The following CDK14 variants were observed in gnomAD, a reference collection of about 807,000 sequenced individuals.
CDK14 encodes cyclin dependent kinase 14, also known as cyclin-dependent kinase 14.
A neutral mutation model predicts 60.7 loss-of-function variants in CDK14; 34 were observed. That is an observed-to-expected ratio of 0.56 (90% confidence interval 0.43 to 0.75). The LOEUF (loss-of-function observed/expected upper bound fraction) is 0.75, where lower values mean the gene tolerates loss of function less well. Among genes scored for constraint, CDK14 ranks in the 30% least tolerant of loss-of-function variants. CDK14 has a pLI of 0.00. For synonymous variants in CDK14, 197 were observed against 203.7 expected, an observed-to-expected ratio of 0.97 and a Z score of 0.28; for missense variants, 482 against 564.1, an observed-to-expected ratio of 0.85 and a Z score of 1.47.
intron 5 of CDK14, among the ~76,000 whole-genome samples, chr7:90,791,378 C>T (rs1805823860): frequency 6.6e-6 from 1 of 152,088 alleles, no homozygotes; most frequent in Non-Finnish European, 1.5e-5. Flanking sequence ...ACCTCTACTA[C>T]ATTTTTAAAA....
intron 4 of CDK14, among the ~76,000 whole-genome samples, chr7:90,787,994 G>T (rs954691552): frequency 2.6e-5 from 4 of 152,170 alleles, no homozygotes; most frequent in African/African-American, 9.7e-5. Context: ...TGTCCTTTCA[G>T]TGTGTTACAA....
chr7:90,613,217 T>C (rs886655973), intron 2 of CDK14, among the ~76,000 whole-genome samples: 1 of 152,182 alleles, frequency 6.6e-6, no homozygotes, highest in Admixed American at 6.5e-5. Context: ...TTGGGAGAAT[T>C]AGTCACTTTC....
At chr7:91,143,859 CAGAGG>C (rs1364982642) in intron 14 of CDK14, among the ~76,000 whole-genome samples, 6 of 152,160 alleles carry the variant, frequency 3.9e-5, no homozygotes, top group Non-Finnish European at 7.3e-5. Flanking sequence ...CCCCGTTTTG[CAGAGG>C]AGACTGAGAC....
At chr7:90,689,328 T>C (rs1801506502) in intron 2 of CDK14, among the ~76,000 whole-genome samples, 1 of 152,174 alleles carries the variant, frequency 6.6e-6, no homozygotes, top group South Asian at 2.1e-4. Context: ...TAGATACTAT[T>C]AATACTTTTA....
chr7:90,958,455 G>C (rs1794499679), intron 9 of CDK14, among the ~76,000 whole-genome samples: 1 of 152,080 alleles, frequency 6.6e-6, no homozygotes, highest in South Asian at 2.1e-4. Context: ...AAAACACTGA[G>C]ACTAAAGATG....
At chr7:90,683,897 CGTGTGTGTGT>C (rs35197919) in intron 2 of CDK14, among the ~76,000 whole-genome samples, 7,347 of 145,744 alleles carry the variant, frequency 0.05, 235 homozygotes, top group South Asian at 0.095. Context: ...AGAAAATGTA[CGTGTGTGTGT>C]GTGTGTGTGT....
At chr7:90,944,336 G>A (rs1046378059) in intron 8 of CDK14, among the ~76,000 whole-genome samples, 1 of 152,186 alleles carries the variant, frequency 6.6e-6, no homozygotes, top group Non-Finnish European at 1.5e-5. Flanking sequence ...CTCTGCTTCA[G>A]AGGTTCATAC....
At chr7:90,739,248 A>C (rs1803252530) in intron 3 of CDK14, among the ~76,000 whole-genome samples, 1 of 152,202 alleles carries the variant, frequency 6.6e-6, no homozygotes, top group Non-Finnish European at 1.5e-5. Flanking sequence ...TTTACCACAA[A>C]ATGTGGCAAA....
intron 7 of CDK14, among the ~76,000 whole-genome samples, chr7:90,899,989 C>T (rs1214474412): frequency 6.6e-6 from 1 of 152,074 alleles, no homozygotes; most frequent in African/African-American, 2.4e-5. Context: ...CATTGTGTAA[C>T]TCAAATGACT....
intron 9 of CDK14, among the ~76,000 whole-genome samples, chr7:90,974,065 A>G (rs1305227082): frequency 6.6e-6 from 1 of 152,106 alleles, no homozygotes; most frequent in Non-Finnish European, 1.5e-5. Flanking sequence ...ACCTCCCCCC[A>G]GGAATGCATT....
At chr7:90,924,454 C>G (rs1383536870) in intron 8 of CDK14, among the ~76,000 whole-genome samples, 1 of 152,204 alleles carries the variant, frequency 6.6e-6, no homozygotes, top group Non-Finnish European at 1.5e-5. Context: ...TGGCAATTGC[C>G]TAATATCCCT....
chr7:90,705,703 G>A (rs1291513966), intron 2 of CDK14, among the ~76,000 whole-genome samples: 6 of 150,354 alleles, frequency 4.0e-5, no homozygotes, highest in Non-Finnish European at 5.9e-5. Context: ...AGAAGACTGA[G>A]GAGAGTGTGG....
At chr7:90,877,055 T>A (rs1791586103) in intron 6 of CDK14, among the ~76,000 whole-genome samples, 1 of 152,206 alleles carries the variant, frequency 6.6e-6, no homozygotes, top group East Asian at 1.9e-4. Flanking sequence ...GTTGGTTTGT[T>A]TTTTTATGAT....
chr7:90,841,600 A>G (rs1466805149), intron 5 of CDK14, among the ~76,000 whole-genome samples: 2 of 151,558 alleles, frequency 1.3e-5, no homozygotes, highest in Non-Finnish European at 2.9e-5. Context: ...ACTTACCTAC[A>G]GCAGCACTTC....
At chr7:90,889,522 T>G (rs1792050729) in intron 6 of CDK14, among the ~76,000 whole-genome samples, 1 of 152,138 alleles carries the variant, frequency 6.6e-6, no homozygotes, top group Admixed American at 6.5e-5. Context: ...CACGTACAGG[T>G]TTATTATGAC....
intron 6 of CDK14, among the ~76,000 whole-genome samples, chr7:90,866,271 C>CAG (rs1340761273): frequency 2.0e-5 from 3 of 147,156 alleles, no homozygotes; most frequent in Admixed American, 6.8e-5. Context: ...CACACACACA[C>CAG]ACAGAACTTT....
intron 11 of CDK14, among the ~76,000 whole-genome samples, chr7:91,065,857 A>G (rs544893842): frequency 6.6e-6 from 1 of 152,342 alleles, no homozygotes; most frequent in East Asian, 1.9e-4. Context: ...AAAGGATTTG[A>G]GTGTGTTATT....
Position 90,625,279 on chromosome 7 carries a change from G to A in CDK14, c.123+21030G>A, listed in dbSNP as rs183834020. Reference sequence around the variant, plus strand: ...GGCTTGAGTCCAGGAGTGCAAGGCCGAAGTGAGCTGCAATGGCTTCACTGC... The same window carrying A: ...GGCTTGAGTCCAGGAGTGCAAGGCCAAAGTGAGCTGCAATGGCTTCACTGC... On this transcript the variant is annotated intron_variant, in intron 2 of 14. Coordinates refer to ENST00000380050, the MANE Select transcript of CDK14 (RefSeq NM_001287135.2). Among the ~76,000 whole-genome samples, 3 of 152,268 alleles carry A rather than the reference G, an allele frequency of 2.0e-5. No individual in the cohort carries two copies. The East Asian group carries it at 5.8e-4, about 29-fold the overall frequency.
intron 4 of CDK14, among the ~76,000 whole-genome samples, chr7:90,781,448 T>C (rs1254182786): frequency 2.6e-5 from 4 of 151,086 alleles, no homozygotes; most frequent in Non-Finnish European, 5.9e-5. Flanking sequence ...ATTTTGTCTT[T>C]TGTTGCCATT....
Sources: gnomAD v4.1 joint callset for allele counts (sites outside exome capture counted in the v4.1 genomes callset) on GRCh38, gnomAD v4.1.1 for gene constraint, MANE v1.5 for transcripts, NCBI Gene and HGNC (gene_info 2026-07-23, HGNC 2026-07-21) for gene names.